ANAPC4: variants seen among roughly 807,000 people sequenced by gnomAD.
The protein encoded by ANAPC4 is anaphase promoting complex subunit 4.
In ANAPC4, 63 loss-of-function variants were observed where a neutral mutation model predicts 119.8. The observed-to-expected ratio is 0.53, with a 90% CI of 0.43 to 0.65. The LOEUF (loss-of-function observed/expected upper bound fraction) is 0.65. Among genes scored for constraint, ANAPC4 ranks in the 30% least tolerant of loss-of-function variants. The pLI is 0.00. For missense variants in ANAPC4, 716 were observed against 945.1 expected, an observed-to-expected ratio of 0.76 and a Z score of 3.18; for synonymous variants, 283 against 318.6, an observed-to-expected ratio of 0.89 and a Z score of 1.19.
chr4:25,416,387 GA>G, intron 26 of ANAPC4, 37 bp from the exon 27 acceptor site: 1 of 1,356,338 alleles, frequency 7.4e-7, no homozygotes, highest in Non-Finnish European at 9.7e-7. Context: ...CAGTAGTCAC[GA>G]TCATCTTTGA....
At chr4:25,380,537 A>G in intron 3 of ANAPC4, 58 bp downstream of exon 3, 1 of 1,293,562 alleles carries the variant, frequency 7.7e-7, no homozygotes. Flanking sequence ...TATTCTGTAA[A>G]GCCCATTTTC....
intron 22 of ANAPC4, 52 bp downstream of exon 22, chr4:25,413,794 T>C: frequency 7.6e-7 from 1 of 1,316,224 alleles, no homozygotes; most frequent in South Asian, 1.3e-5. Flanking sequence ...GTGTCTACAG[T>C]ATGTGGCTCA....
intron 21 of ANAPC4, among the ~76,000 whole-genome samples, chr4:25,411,235 G>A (rs1167701593): frequency 6.6e-6 from 1 of 152,174 alleles, no homozygotes; most frequent in East Asian, 1.9e-4. Context: ...AATAAGGCAG[G>A]ATGTCTGGAG....
intron 25 of ANAPC4, 32 bp from the exon 26 acceptor site, chr4:25,415,432 CAG>C: frequency 1.3e-6 from 2 of 1,546,000 alleles, no homozygotes; most frequent in Non-Finnish European, 1.8e-6. Flanking sequence ...GGTTGTTCCA[CAG>C]AGTCTCTTTT....
rs369516338 is a variant in ANAPC4 at position 25,418,106 on chromosome 4, A to G, written c.2200-49A>G. The G allele has an allele frequency of 4.0e-6, 6 of 1,485,426 alleles. No homozygotes were observed. In the African/African-American group the frequency reaches 4.2e-5, roughly 10 times the overall value. The allele number at this position is 1,485,426 out of a possible 1,614,324, so 92.0% of individuals were successfully genotyped here. A position where few individuals can be genotyped will look rare whatever the true frequency, so the allele number is the denominator to read the frequency against. On this transcript the variant is annotated intron_variant, in intron 28 of 28. Transcript: ENST00000315368. ...ACTTCTGATTTCTAATTCTTTATAT[A>G]TGATAAGCCATTAATTTAAAAATGC...
chr4:25,417,859 T>G, intron 28 of ANAPC4, 120 bp downstream of exon 28: 2 of 1,338,444 alleles, frequency 1.5e-6, no homozygotes, highest in Non-Finnish European at 1.0e-6. Flanking sequence ...TTACTGTGAT[T>G]TATAGCTTGT....
intron 14 of ANAPC4, 65 bp from the exon 15 acceptor site, chr4:25,396,599 A>C: frequency 8.6e-7 from 1 of 1,161,742 alleles, no homozygotes; most frequent in Non-Finnish European, 1.2e-6. Flanking sequence ...ATTTAGAAAT[A>C]TTCAGGCAAG....
At chr4:25,379,172 C>T (rs776738482) in intron 2 of ANAPC4, among the ~76,000 whole-genome samples, 3 of 151,978 alleles carry the variant, frequency 2.0e-5, no homozygotes, top group African/African-American at 4.8e-5. Context: ...ATGACCAGGC[C>T]GGAGGTGTGA....
intron 4 of ANAPC4, 29 bp from the exon 5 acceptor site, chr4:25,388,471 T>C: frequency 1.4e-6 from 2 of 1,447,374 alleles, no homozygotes; most frequent in South Asian, 1.2e-5. Context: ...TTTGGTGTTT[T>C]TATAATGCTT....
chr4:25,402,932 A>G, intron 16 of ANAPC4, 39 bp from the exon 17 acceptor site: 1 of 1,259,034 alleles, frequency 7.9e-7, no homozygotes, highest in Non-Finnish European at 1.1e-6. Flanking sequence ...TCCCCCACAC[A>G]CTAATCTTAT....
At position 25,377,294 on chromosome 4, in the gene ANAPC4, A is replaced by G. The variant is rs537676332; in HGVS notation, c.-61A>G. 5.2e-4 allele frequency: 647 copies of G among 1,239,184 alleles called. 1 individual carries two copies. Among genetic ancestry groups the G allele is most frequent in the Admixed American group, 8.8e-4 (32 of 36,384 alleles). 76.8% of individuals were successfully genotyped at this position (1,239,184 alleles called of 1,614,324 possible). A position where few individuals can be genotyped will look rare whatever the true frequency, so the allele number is the denominator to read the frequency against. On this transcript the variant is annotated 5_prime_UTR_variant, in exon 1 of 29. Transcript: ENST00000315368. ...GCTGTGGCGCGCGGCCGGCAGAGGG[A>G]GGGGAGAGGCCACTGGGGCCGTGTT...
At chr4:25,400,836 G>T (rs1166335131) in intron 16 of ANAPC4, among the ~76,000 whole-genome samples, 3 of 152,154 alleles carry the variant, frequency 2.0e-5, no homozygotes, top group East Asian at 1.9e-4. Context: ...TGGGAGGAAG[G>T]TGGGGGCCCT....
intron 7 of ANAPC4, 91 bp downstream of exon 7, chr4:25,388,973 G>A: frequency 9.1e-7 from 1 of 1,095,470 alleles, no homozygotes; most frequent in East Asian, 2.5e-5. Flanking sequence ...TCCTTTATTT[G>A]CCATTTTATT....
At chr4:25,400,809 T>G (rs1314369736) in intron 16 of ANAPC4, among the ~76,000 whole-genome samples, 1 of 152,070 alleles carries the variant, frequency 6.6e-6, no homozygotes, top group African/African-American at 2.4e-5. Context: ...GTAGAACCAG[T>G]AGATGATGCG....
Position 25,393,841 on chromosome 4 carries a change from T to C in ANAPC4, c.826T>C (p.Trp276Arg). 6.2e-7 allele frequency: 1 copy of C among 1,610,260 alleles called. No individual in the cohort carries two copies. The highest frequency in any genetic ancestry group is 8.5e-7 in the Non-Finnish European group (1 of 1,178,180). ...GTCACTAACATGTATGTGTGAAGCA[T>C]GGGAAGAAATACTAATGCAGATGGA... The part of the protein sequence containing the change: ...NLSLTCMCEA[W>R]EEILMQMDSR... The change falls in exon 11 of 29, where the codon TGG (tryptophan) becomes CGG (arginine). Residue 276 changes from tryptophan (W) to arginine (R), a missense_variant. Coordinates refer to ENST00000315368, the MANE Select transcript of ANAPC4 (RefSeq NM_013367.3).
At chr4:25,383,711 C>T (rs962548843) in intron 4 of ANAPC4, among the ~76,000 whole-genome samples, 1 of 152,118 alleles carries the variant, frequency 6.6e-6, no homozygotes, top group African/African-American at 2.4e-5. Flanking sequence ...TGCTATAGTA[C>T]ATTTAAATGT....
intron 16 of ANAPC4, 106 bp from the exon 17 acceptor site, chr4:25,402,865 A>G: frequency 3.7e-6 from 2 of 546,742 alleles, no homozygotes; most frequent in Non-Finnish European, 6.1e-6. Flanking sequence ...CCCAGATAGG[A>G]TAAAATAGAA....
chr4:25,388,256 TATC>T (rs1672513029), intron 4 of ANAPC4, among the ~76,000 whole-genome samples: 2 of 152,190 alleles, frequency 1.3e-5, no homozygotes, highest in Admixed American at 6.5e-5. Flanking sequence ...TGTTTATTAA[TATC>T]ATTTCTCTAA....
intron 9 of ANAPC4, among the ~76,000 whole-genome samples, chr4:25,391,567 T>C (rs1316650084): frequency 6.6e-6 from 1 of 152,230 alleles, no homozygotes; most frequent in Non-Finnish European, 1.5e-5. Context: ...AAATGATCAC[T>C]TAATATTGGG....
Sources: gnomAD v4.1 joint callset for allele counts (sites outside exome capture counted in the v4.1 genomes callset) on GRCh38, gnomAD v4.1.1 for gene constraint, MANE v1.5 for transcripts, NCBI Gene and HGNC (gene_info 2026-07-23, HGNC 2026-07-21) for gene names.